ITGA6: variants seen among roughly 807,000 people sequenced by gnomAD.
The protein encoded by ITGA6 is integrin alpha-6.
ITGA6 carries 63 observed loss-of-function variants against 133.6 expected under a neutral mutation model. The ratio of observed to expected loss-of-function variants is 0.47; its 90% CI spans 0.38 to 0.58. ITGA6 has a LOEUF of 0.58. ITGA6 is among the 20% of genes least tolerant of loss of function. The pLI is 0.00. For missense variants in ITGA6, 1,068 were observed against 1,309.4 expected (o/e 0.82, Z 2.85); for synonymous variants, 434 against 482.0 (o/e 0.90, Z 1.30).
chr2:172,456,702 T>C (rs1178270340), intron 1 of ITGA6, among the ~76,000 whole-genome samples: 1 of 152,226 alleles, frequency 6.6e-6, no homozygotes, highest in African/African-American at 2.4e-5. Context: ...CAGGTGCCCT[T>C]GCTAGCATAT....
chr2:172,443,772 T>G (rs546780256), intron 1 of ITGA6, among the ~76,000 whole-genome samples: 20 of 152,350 alleles, frequency 1.3e-4, no homozygotes, highest in African/African-American at 4.6e-4. Flanking sequence ...TTACTTGATG[T>G]TATTTCTTTT....
chr2:172,502,677 A>G (rs1687396150), intron 25 of ITGA6, among the ~76,000 whole-genome samples: 1 of 152,222 alleles, frequency 6.6e-6, no homozygotes, highest in Admixed American at 6.5e-5. Flanking sequence ...GAGTTTGACC[A>G]TATTTCATGT....
At chr2:172,469,093 A>C in intron 3 of ITGA6, 32 bp from the exon 4 acceptor site, 1 of 1,613,634 alleles carries the variant, frequency 6.2e-7, no homozygotes, top group Non-Finnish European at 8.5e-7. Context: ...TTTATAGACA[A>C]GAATGGGCTA....
chr2:172,485,341 T>G, intron 13 of ITGA6, 77 bp downstream of exon 13: 1 of 1,275,394 alleles, frequency 7.8e-7, no homozygotes, highest in Non-Finnish European at 1.1e-6. Context: ...TTGAAGGGAA[T>G]AGAACTAGTG....
At chr2:172,485,298 T>A in intron 13 of ITGA6, 34 bp downstream of exon 13, 1 of 1,600,838 alleles carries the variant, frequency 6.2e-7, no homozygotes, top group South Asian at 1.1e-5. Context: ...TGCCAAAGTT[T>A]TTTTGCCATT....
intron 1 of ITGA6, among the ~76,000 whole-genome samples, chr2:172,445,666 A>G (rs1684738032): frequency 2.7e-5 from 4 of 150,372 alleles, no homozygotes; most frequent in Non-Finnish European, 3.0e-5. Flanking sequence ...AAAAAAAAAA[A>G]GAAAAAAAAA....
At chr2:172,483,818 T>G (rs1445408843) in intron 11 of ITGA6, among the ~76,000 whole-genome samples, 1 of 151,448 alleles carries the variant, frequency 6.6e-6, no homozygotes, top group Non-Finnish European at 1.5e-5. Flanking sequence ...TTATCTTTAT[T>G]ATTATTTTTT....
intron 25 of ITGA6, among the ~76,000 whole-genome samples, chr2:172,503,233 T>C (rs1467801692): frequency 6.6e-6 from 1 of 152,132 alleles, no homozygotes; most frequent in Non-Finnish European, 1.5e-5. Context: ...AAAGTAAATA[T>C]ATTTCATTTA....
chr2:172,458,587 G>A (rs759361963), intron 1 of ITGA6, among the ~76,000 whole-genome samples: 2 of 152,180 alleles, frequency 1.3e-5, no homozygotes, highest in African/African-American at 2.4e-5. Context: ...AGCCTAAAGC[G>A]AATCCCTGGA....
chr2:172,473,953 G>A lies in ITGA6; in HGVS notation c.776-102G>A. The A allele has an allele frequency of 6.8e-6, 5 of 736,566 alleles. 1 individual carries two copies. The South Asian group carries it at 8.5e-5, about 13-fold the overall frequency. 45.6% of individuals were successfully genotyped at this position (736,566 alleles called of 1,614,324 possible). On this transcript the variant is annotated intron_variant, in intron 5 of 25. Coordinates refer to ENST00000684293, the MANE Select transcript of ITGA6 (RefSeq NM_000210.4). ...CTGGTGGGAGGGTCAAGAGGAGAGA[G>A]GGGTGGGAAGCCAGAGGAAGAGGTA... is the stretch of plus-strand genomic sequence containing the variant.
intron 24 of ITGA6, among the ~76,000 whole-genome samples, chr2:172,499,230 G>C (rs1478547998): frequency 6.6e-6 from 1 of 152,116 alleles, no homozygotes; most frequent in Non-Finnish European, 1.5e-5. Flanking sequence ...ACATGGGATT[G>C]AAGCTCATGA....
chr2:172,458,080 C>T (rs191943723), intron 1 of ITGA6, among the ~76,000 whole-genome samples: 229 of 152,156 alleles, frequency 1.5e-3, no homozygotes, highest in Admixed American at 4.8e-3. Context: ...GTGATTCCAT[C>T]GTTCCCTACC....
chr2:172,457,773 T>A (rs1053806351), intron 1 of ITGA6, among the ~76,000 whole-genome samples: 1 of 152,186 alleles, frequency 6.6e-6, no homozygotes, highest in Non-Finnish European at 1.5e-5. Flanking sequence ...GAAGCTAGGC[T>A]GGGATGAAAA....
chr2:172,467,731 A>T (rs1023878261), intron 3 of ITGA6, among the ~76,000 whole-genome samples, 171 bp downstream of exon 3: 4 of 152,216 alleles, frequency 2.6e-5, no homozygotes, highest in Non-Finnish European at 1.5e-5. Flanking sequence ...TCATGCCTGT[A>T]ATCTCAATAC....
intron 1 of ITGA6, chr2:172,464,308 A>G (rs1003675105): frequency 3.9e-5 from 6 of 152,242 alleles, no homozygotes; most frequent in African/African-American, 1.2e-4. Flanking sequence ...CATGAAGGTA[A>G]TAGAGACTAT....
chr2:172,475,334 A>C (rs1364686536), intron 7 of ITGA6, among the ~76,000 whole-genome samples: 1 of 152,154 alleles, frequency 6.6e-6, no homozygotes, highest in Admixed American at 6.5e-5. Context: ...ACATGCCTGT[A>C]ATACCAGCTA....
At chr2:172,474,822 A>G (rs1406248572) in intron 6 of ITGA6, 107 bp from the exon 7 acceptor site, 1 of 738,892 alleles carries the variant, frequency 1.4e-6, no homozygotes, top group East Asian at 2.6e-5. Flanking sequence ...TAAATTCTGG[A>G]GTTGAGGGCC....
At chr2:172,461,106 C>T (rs925929200) in intron 1 of ITGA6, among the ~76,000 whole-genome samples, 12 of 152,216 alleles carry the variant, frequency 7.9e-5, no homozygotes, top group Admixed American at 3.9e-4. Context: ...GTGTTCATAG[C>T]ATGATAGTGA....
At chr2:172,450,966 A>T (rs1476120953) in intron 1 of ITGA6, among the ~76,000 whole-genome samples, 1 of 147,676 alleles carries the variant, frequency 6.8e-6, no homozygotes, top group Non-Finnish European at 1.5e-5. Context: ...GTATATATAA[A>T]TATATTTTGT....
Sources: allele counts gnomAD v4.1 joint callset (sites outside exome capture counted in the v4.1 genomes callset), GRCh38; gene constraint gnomAD v4.1.1; transcripts MANE v1.5; gene names NCBI Gene and HGNC (gene_info 2026-07-23, HGNC 2026-07-21).